IGFL2: variants seen among roughly 807,000 people sequenced by gnomAD.
IGFL2 encodes insulin growth factor-like family member 2.
A neutral mutation model predicts 13.9 loss-of-function variants in IGFL2; 7 were observed. That is an observed-to-expected ratio of 0.51 (90% CI 0.29 to 0.95). The LOEUF is 0.95. Ranked by LOEUF, IGFL2 falls within the 40% of genes least tolerant of loss-of-function variation. IGFL2 has a pLI of 0.08. For synonymous variants in IGFL2, 55 were observed against 55.8 expected (o/e 0.99, Z 0.07); for missense variants, 138 against 147.8 (o/e 0.93, Z 0.34).
chr19:46,131,789 G>A, the IGFL2 span, among the ~76,000 whole-genome samples: 3 of 152,016 alleles, frequency 2.0e-5, no homozygotes, highest in African/African-American at 7.2e-5. Flanking sequence ...AAATACAAAA[G>A]TTAGCCGGGC....
Position 46,151,461 on chromosome 19 carries a change from A to T in IGFL2, c.19+3164A>T, listed in dbSNP as rs541536197. 2.2e-4 allele frequency among the ~76,000 whole-genome samples: 33 copies of T among 152,314 alleles called. 2 individuals are homozygous for T. The South Asian group carries it at 6.8e-3, about 32-fold the overall frequency. ...GTTTTATTCATTGATCTATATGTCT[A>T]TCCTGTGTGTCAGCTCCTACACTGT... On this transcript the variant is annotated intron_variant, in intron 1 of 3. Transcript: ENST00000377693.
the IGFL2 span, among the ~76,000 whole-genome samples, chr19:46,102,354 G>A: frequency 1.3e-5 from 2 of 152,202 alleles, no homozygotes; most frequent in Non-Finnish European, 2.9e-5. Context: ...GATAGGCGGT[G>A]GAGTTAGGAG....
At chr19:46,136,489 A>G in the IGFL2 span, among the ~76,000 whole-genome samples, 1 of 152,152 alleles carries the variant, frequency 6.6e-6, no homozygotes, top group African/African-American at 2.4e-5. Flanking sequence ...ATCACATGAT[A>G]TTGGGAGCCA....
the IGFL2 span, among the ~76,000 whole-genome samples, chr19:46,095,045 A>G: frequency 5.3e-5 from 8 of 152,194 alleles, no homozygotes; most frequent in African/African-American, 1.9e-4. Context: ...GTATATACCC[A>G]GTAATGGGAA....
At chr19:46,163,055 C>T (rs535523859), downstream of IGFL2, among the ~76,000 whole-genome samples, 10 of 152,206 alleles carry the variant, frequency 6.6e-5, no homozygotes, top group East Asian at 1.4e-3. Flanking sequence ...TTTCAGAGGC[C>T]GGATATGTTA....
chr19:46,095,957 C>T, the IGFL2 span, among the ~76,000 whole-genome samples: 1 of 152,174 alleles, frequency 6.6e-6, no homozygotes, highest in South Asian at 2.1e-4. Context: ...TAGTGTGATA[C>T]TTCTAGCTTT....
At chr19:46,115,934 T>G in the IGFL2 span, among the ~76,000 whole-genome samples, 2 of 152,188 alleles carry the variant, frequency 1.3e-5, no homozygotes, top group African/African-American at 4.8e-5. Context: ...GCTCGCCGGC[T>G]GACAGCTTCC....
the IGFL2 span, chr19:46,189,231 T>C: frequency 0.013 from 2,051 of 152,530 alleles, 51 homozygotes; most frequent in African/African-American, 0.045. Flanking sequence ...GTTTGGCAGC[T>C]GAGGTGGAGA....
At chr19:46,106,565 G>A in the IGFL2 span, among the ~76,000 whole-genome samples, 1 of 152,262 alleles carries the variant, frequency 6.6e-6, no homozygotes, top group Admixed American at 6.5e-5. Flanking sequence ...ATGGGTTGTG[G>A]AGGGAGGTAT....
At chr19:46,137,244 T>C in the IGFL2 span, 1 of 1,425,706 alleles carries the variant, frequency 7.0e-7, no homozygotes. Context: ...GTGAACTGAT[T>C]TGGATCTTTG....
At chr19:46,168,916 A>AG in the IGFL2 span, among the ~76,000 whole-genome samples, 1 of 145,720 alleles carries the variant, frequency 6.9e-6, no homozygotes, top group East Asian at 2.0e-4. Flanking sequence ...GTGTGTGTGT[A>AG]TGTGTGTGTG....
At chr19:46,132,088 C>T in the IGFL2 span, among the ~76,000 whole-genome samples, 1 of 152,102 alleles carries the variant, frequency 6.6e-6, no homozygotes, top group Non-Finnish European at 1.5e-5. Context: ...TAAAGCCTTG[C>T]AGAGGAGGGA....
At chr19:46,183,173 C>T in the IGFL2 span, among the ~76,000 whole-genome samples, 2 of 152,126 alleles carry the variant, frequency 1.3e-5, no homozygotes, top group Admixed American at 6.6e-5. Context: ...GAGAGCAAGA[C>T]GGGGGACGTG....
chr19:46,124,620 C>A, the IGFL2 span: 6 of 1,608,034 alleles, frequency 3.7e-6, no homozygotes, highest in Non-Finnish European at 5.1e-6. Flanking sequence ...TGGGGTCCTA[C>A]TTGCCCAAGA....
the IGFL2 span, among the ~76,000 whole-genome samples, chr19:46,198,642 C>T: frequency 2.6e-5 from 4 of 152,058 alleles, no homozygotes; most frequent in Non-Finnish European, 5.9e-5. Flanking sequence ...AGATTCTGAC[C>T]ATTTTGATCA....
upstream of IGFL2, among the ~76,000 whole-genome samples, chr19:46,139,010 G>A (rs1249544775): frequency 6.6e-6 from 1 of 152,080 alleles, no homozygotes; most frequent in Non-Finnish European, 1.5e-5. Context: ...CTCTGCCAGC[G>A]CAAATGTCCA....
chr19:46,206,216 C>A, the IGFL2 span, among the ~76,000 whole-genome samples: 1 of 152,188 alleles, frequency 6.6e-6, no homozygotes, highest in Admixed American at 6.5e-5. Flanking sequence ...CATCATCACC[C>A]ACTGCTGTTT....
At chr19:46,195,428 G>A in the IGFL2 span, among the ~76,000 whole-genome samples, 3 of 152,148 alleles carry the variant, frequency 2.0e-5, no homozygotes, top group Non-Finnish European at 4.4e-5. Flanking sequence ...TGTAAAAAAT[G>A]TTAAATGTGC....
the IGFL2 span, among the ~76,000 whole-genome samples, chr19:46,107,793 A>G: frequency 6.6e-6 from 1 of 152,192 alleles, no homozygotes; most frequent in Non-Finnish European, 1.5e-5. Context: ...CATATTGAGA[A>G]TAAGACAGCC....
Sources: gnomAD v4.1 joint callset for allele counts (sites outside exome capture counted in the v4.1 genomes callset) on GRCh38, gnomAD v4.1.1 for gene constraint, MANE v1.5 for transcripts, NCBI Gene and HGNC (gene_info 2026-07-23, HGNC 2026-07-21) for gene names.